SH3KBP1: variants seen among roughly 807,000 people sequenced by gnomAD.
The protein encoded by SH3KBP1 is SH3 domain-containing kinase-binding protein 1.
Under a neutral mutation model 50.1 loss-of-function variants are expected in SH3KBP1, and 8 were observed. The observed-to-expected ratio is 0.16, with a 90% CI of 0.09 to 0.29. The LOEUF (loss-of-function observed/expected upper bound fraction) is 0.29. SH3KBP1 is among the 10% of genes least tolerant of loss of function. The pLI is 1.00. For synonymous variants in SH3KBP1, 227 were observed against 218.6 expected (o/e 1.04, Z -0.34); for missense variants, 377 against 535.2 (o/e 0.70, Z 2.92).
chrX:19,800,560 G>C (rs2066862133), intron 2 of SH3KBP1, among the ~76,000 whole-genome samples: 1 of 111,780 alleles, frequency 8.9e-6, no homozygotes, highest in Admixed American at 9.5e-5. Flanking sequence ...CAGGTTTTTC[G>C]AATGTTACTC....
At chrX:19,548,250 C>A (rs766168312) in intron 14 of SH3KBP1, among the ~76,000 whole-genome samples, 3 of 112,278 alleles carry the variant, frequency 2.7e-5, no homozygotes, top group Admixed American at 9.4e-5. Context: ...AAAGGTGGGA[C>A]AAGAGATGGT....
At chrX:19,537,532 C>A (rs979538666) in intron 17 of SH3KBP1, among the ~76,000 whole-genome samples, 185 bp downstream of exon 17, 1 of 111,273 alleles carries the variant, frequency 9.0e-6, no homozygotes, top group Admixed American at 9.5e-5. Context: ...TAATGTTTCC[C>A]TTCCCCAAGA....
intron 1 of SH3KBP1, among the ~76,000 whole-genome samples, chrX:19,880,300 T>C (rs1377992408): frequency 8.9e-6 from 1 of 112,668 alleles, no homozygotes; most frequent in Non-Finnish European, 1.9e-5. Context: ...TGGTGGTCCA[T>C]AGTCGTGGAG....
intron 2 of SH3KBP1, among the ~76,000 whole-genome samples, chrX:19,761,534 A>C (rs1324550689): frequency 8.9e-6 from 1 of 112,237 alleles, no homozygotes; most frequent in Non-Finnish European, 1.9e-5. Flanking sequence ...AGATTAAAGC[A>C]AAACCTGAGA....
chrX:19,861,147 C>T (rs1367257819), intron 1 of SH3KBP1, among the ~76,000 whole-genome samples: 2 of 111,061 alleles, frequency 1.8e-5, no homozygotes, highest in East Asian at 5.6e-4. Flanking sequence ...GAGGCCAAGG[C>T]GGGTAGATCA....
At chrX:19,564,295 TTG>T (rs773218338) in intron 13 of SH3KBP1, among the ~76,000 whole-genome samples, 1 of 112,138 alleles carries the variant, frequency 8.9e-6, no homozygotes, top group African/African-American at 3.2e-5. Context: ...CACAAAAATG[TTG>T]TGTTAATGGT....
At chrX:19,869,627 G>A (rs1431229411) in intron 1 of SH3KBP1, among the ~76,000 whole-genome samples, 1 of 112,498 alleles carries the variant, frequency 8.9e-6, no homozygotes, top group Non-Finnish European at 1.9e-5. Context: ...GGGTCTCTGT[G>A]ATGGCAGTTT....
At chrX:19,542,751 A>C (rs2147557220) in intron 15 of SH3KBP1, among the ~76,000 whole-genome samples, 1 of 112,119 alleles carries the variant, frequency 8.9e-6, no homozygotes, top group African/African-American at 3.2e-5. Flanking sequence ...TAGAGAAAGA[A>C]GCTGCAGCGG....
intron 8 of SH3KBP1, among the ~76,000 whole-genome samples, chrX:19,616,593 T>C (rs1187279809): frequency 1.8e-5 from 2 of 111,534 alleles, no homozygotes; most frequent in Non-Finnish European, 3.8e-5. Context: ...GATTATATTA[T>C]CTCAACAGTT....
intron 8 of SH3KBP1, among the ~76,000 whole-genome samples, chrX:19,621,893 A>G (rs2067851135): frequency 8.9e-6 from 1 of 112,200 alleles, no homozygotes; most frequent in African/African-American, 3.2e-5. Flanking sequence ...CAATGCCACT[A>G]TAAAAAAAAT....
intron 13 of SH3KBP1, among the ~76,000 whole-genome samples, chrX:19,556,038 C>T (rs766572139): frequency 2.7e-5 from 3 of 111,828 alleles, no homozygotes; most frequent in African/African-American, 9.8e-5. Context: ...TGGCTTGCAG[C>T]GAGTGTTCAA....
At chrX:19,562,205 C>T (rs2065702191) in intron 13 of SH3KBP1, among the ~76,000 whole-genome samples, 1 of 111,584 alleles carries the variant, frequency 9.0e-6, no homozygotes, top group African/African-American at 3.3e-5. Flanking sequence ...TGTCGTGTGT[C>T]CATAATGCTT....
intron 6 of SH3KBP1, among the ~76,000 whole-genome samples, chrX:19,656,955 G>A (rs955735455): frequency 1.8e-5 from 2 of 111,892 alleles, no homozygotes; most frequent in South Asian, 3.7e-4. Flanking sequence ...AGACAAAAAT[G>A]GGAAATTTCT....
chrX:19,678,182 T>C (rs930475869), intron 6 of SH3KBP1, among the ~76,000 whole-genome samples: 47 of 111,731 alleles, frequency 4.2e-4, no homozygotes, highest in African/African-American at 1.4e-3. Flanking sequence ...ATAAAACGTA[T>C]GCACAGAGAG....
intron 13 of SH3KBP1, among the ~76,000 whole-genome samples, chrX:19,562,972 T>C (rs1292251236): frequency 8.9e-6 from 1 of 112,345 alleles, no homozygotes; most frequent in Non-Finnish European, 1.9e-5. Context: ...TGTCCCCACT[T>C]TGACGTAATC....
At chrX:19,701,420 T>C (rs139490636) in intron 4 of SH3KBP1, among the ~76,000 whole-genome samples, 128 of 111,383 alleles carry the variant, frequency 1.1e-3, no homozygotes, top group African/African-American at 4.0e-3. Context: ...CCCCATTTCA[T>C]TGCATCCACC....
chrX:19,585,558 C>A (rs967776985), intron 12 of SH3KBP1, among the ~76,000 whole-genome samples: 1 of 111,235 alleles, frequency 9.0e-6, no homozygotes, highest in Non-Finnish European at 1.9e-5. Flanking sequence ...GGAGGGCATG[C>A]TAACAGGGGC....
chrX:19,616,503 A>G (rs2067619037), intron 8 of SH3KBP1, among the ~76,000 whole-genome samples: 1 of 112,218 alleles, frequency 8.9e-6, no homozygotes, highest in Non-Finnish European at 1.9e-5. Flanking sequence ...CAATGCCTGA[A>G]AACTGTACTC....
At chrX:19,754,689 G>A (rs753735548) in intron 2 of SH3KBP1, among the ~76,000 whole-genome samples, 5 of 111,029 alleles carry the variant, frequency 4.5e-5, no homozygotes, top group Middle Eastern at 9.3e-3. Context: ...GGCTGGTCTC[G>A]AATTCCTGAC....
Sources: gnomAD v4.1 joint callset for allele counts (sites outside exome capture counted in the v4.1 genomes callset) on GRCh38, gnomAD v4.1.1 for gene constraint, MANE v1.5 for transcripts, NCBI Gene and HGNC (gene_info 2026-07-23, HGNC 2026-07-21) for gene names.